The following VCAN variants were observed in gnomAD, a reference collection of about 807,000 sequenced individuals.
The protein encoded by VCAN is versican, also known as versican core protein.
In VCAN, 44 loss-of-function variants were observed where a neutral mutation model predicts 245.5. That is an observed-to-expected ratio of 0.18 (90% CI 0.14 to 0.23). The LOEUF (loss-of-function observed/expected upper bound fraction) is 0.23, where lower values mean the gene tolerates loss of function less well. Ranked by LOEUF, VCAN falls within the 10% of genes least tolerant of loss-of-function variation. The pLI, the probability that VCAN is intolerant of heterozygous loss-of-function variation, is 1.00. For synonymous variants in VCAN, 1,413 were observed against 1,437.0 expected (o/e 0.98, Z 0.38); for missense variants, 3,793 against 4,057.9 (o/e 0.93, Z 1.77).
At chr5:83,545,440 C>CTA in intron 8 of VCAN, 97 bp from the exon 9 acceptor site, 1 of 925,590 alleles carries the variant, frequency 1.1e-6, no homozygotes, top group South Asian at 1.3e-5. Context: ...ATGGTAAAGC[C>CTA]TATAATATGG....
intron 6 of VCAN, 178 bp downstream of exon 6, chr5:83,512,574 C>T (rs1745703095): frequency 1.2e-6 from 1 of 826,020 alleles, no homozygotes; most frequent in Admixed American, 3.1e-5. Context: ...TGGTTAAAAC[C>T]ACAGGAATTT....
intron 5 of VCAN, among the ~76,000 whole-genome samples, chr5:83,506,748 C>T (rs757906871): frequency 6.6e-6 from 1 of 152,016 alleles, no homozygotes; most frequent in Non-Finnish European, 1.5e-5. Flanking sequence ...AAAGGCATAC[C>T]CGAGACTGAG....
Position 83,542,080 on chromosome 5 carries a change from T to G in VCAN, c.9077T>G (p.Ile3026Arg). Reference protein sequence around the residue: ...AALIRGQDSTIAASEQQVAAR... With the variant: ...AALIRGQDSTRAASEQQVAAR... ...TTAATCAGAGGGCAGGATTCCACGA[T>G]AGCAGCATCAGAACAGCAAGTGGCA... The change falls in exon 8 of 15, where the codon ATA becomes AGA. Residue 3026 changes from isoleucine to arginine, a missense_variant. Coordinates refer to ENST00000265077, the MANE Select transcript of VCAN (RefSeq NM_004385.5). 1.2e-6 allele frequency: 2 copies of G among 1,613,708 alleles called. No homozygotes were observed. The highest frequency in any genetic ancestry group is 8.5e-7 in the Non-Finnish European group (1 of 1,179,668).
chr5:83,474,701 C>A (rs1395099002), intron 1 of VCAN, among the ~76,000 whole-genome samples: 1 of 152,170 alleles, frequency 6.6e-6, no homozygotes, highest in Non-Finnish European at 1.5e-5. Flanking sequence ...CCCACCGAGG[C>A]CAATGGGGGC....
At chr5:83,563,334 C>T (rs530315816) in intron 12 of VCAN, among the ~76,000 whole-genome samples, 3 of 152,228 alleles carry the variant, frequency 2.0e-5, no homozygotes, top group East Asian at 3.9e-4. Flanking sequence ...TTGCCCCTAA[C>T]AAACAAGACA....
rs1746946636 is a variant in VCAN, at chr5:83,540,849, A to G, written c.7846A>G (p.Ser2616Gly). The G allele has an allele frequency of 6.2e-7, 1 of 1,614,086 alleles. No individual in the cohort carries two copies. The part of the protein sequence containing the change: ...HDSNDESNDD[S>G]TQVQEIYEAA... The stretch of plus-strand genomic sequence containing the variant: ...CAGTAATGATGAAAGTAATGATGAC[A>G]GCACTCAAGTTCAAGAGATCTATGA... Residue 2616 changes from serine to glycine, a missense_variant, in exon 8 of 15, where the codon AGC becomes GGC. Ser to Gly is a moderately conservative substitution (Grantham distance 56). Around this residue, in one of 5 missense-constraint regions of VCAN, gnomAD observed 3,182 missense variants for 3,250.3 expected, o/e 0.98. Transcript: ENST00000265077.
chr5:83,534,671 C>T (rs1169869487), intron 7 of VCAN, among the ~76,000 whole-genome samples: 1 of 151,942 alleles, frequency 6.6e-6, no homozygotes, highest in African/African-American at 2.4e-5. Context: ...CCAGTTAAAT[C>T]CCATGAAGTT....
chr5:83,515,153 CT>C (rs1249732253), intron 6 of VCAN, among the ~76,000 whole-genome samples: 1 of 152,158 alleles, frequency 6.6e-6, no homozygotes, highest in Non-Finnish European at 1.5e-5. Flanking sequence ...AAAGTAATGT[CT>C]TTGTAAGATA....
Position 83,540,305 on chromosome 5 carries a change from A to G in VCAN, c.7302A>G (p.Gly2434=). 3 of 1,614,136 alleles carry G rather than the reference A, an allele frequency of 1.9e-6. No individual in the cohort carries two copies. The highest frequency in any genetic ancestry group is 2.5e-6 in the Non-Finnish European group (3 of 1,179,996). Reference sequence around the variant, plus strand: ...ATGAACCTTCTGGAGAAGGATCTGGAGAAGTGGATATTGTTGATTCATTTC... The same window carrying G: ...ATGAACCTTCTGGAGAAGGATCTGGGGAAGTGGATATTGTTGATTCATTTC... The part of the protein sequence containing the change: ...LYYEPSGEGS[G]EVDIVDSFHT... Residue 2434 remains glycine (G), a synonymous_variant, in exon 8 of 15, where the codon GGA becomes GGG. Coordinates refer to ENST00000265077, the MANE Select transcript of VCAN (RefSeq NM_004385.5).
chr5:83,547,367 G>A (rs762293211), intron 9 of VCAN, among the ~76,000 whole-genome samples: 7 of 152,188 alleles, frequency 4.6e-5, no homozygotes, highest in Non-Finnish European at 8.8e-5. Flanking sequence ...ATTCTTAGGT[G>A]ATGCTGATGT....
chr5:83,547,927 T>A lies in VCAN; in HGVS notation c.9380-44T>A, dbSNP rs1747297533. The A allele has an allele frequency of 2.9e-6, 4 of 1,373,040 alleles. No individual in the cohort carries two copies. In the East Asian group the frequency reaches 9.2e-5, roughly 31 times the overall value. The allele number at this position is 1,373,040 out of a possible 1,614,324, so 85.1% of individuals were successfully genotyped here. A position where few individuals can be genotyped will look rare whatever the true frequency, so the allele number is the denominator to read the frequency against. ...CCTCACACTAAATGGAATTCTTTGA[T>A]ACTTTTTGAAAGTATTTTGTGAGCT... On this transcript the variant is annotated intron_variant, in intron 9 of 14. Coordinates refer to ENST00000265077, the MANE Select transcript of VCAN (RefSeq NM_004385.5).
intron 5 of VCAN, among the ~76,000 whole-genome samples, chr5:83,501,574 A>G (rs1561233797): frequency 6.6e-6 from 1 of 152,060 alleles, no homozygotes; most frequent in Non-Finnish European, 1.5e-5. Context: ...TGACCTTGGC[A>G]CCCTGTTGAA....
rs2112442106 is a variant in VCAN at position 83,538,328 on chromosome 5, C to G, written c.5325C>G (p.Ser1775=). 6.2e-7 allele frequency: 1 copy of G among 1,613,996 alleles called. No individual in the cohort carries two copies. Among genetic ancestry groups the G allele is most frequent in the Non-Finnish European group, 8.5e-7 (1 of 1,179,964 alleles). Residue 1775 remains serine (S), a synonymous_variant, in exon 8 of 15, where the codon TCC becomes TCG. Coordinates refer to ENST00000265077, the MANE Select transcript of VCAN (RefSeq NM_004385.5). The part of the protein sequence containing the change: ...SDSGTRKSFM[S]LTTPTQSERE... ...CAGGTACCAGGAAAAGTTTTATGTCCTTGACAACACCAACACAGTCTGAAA... is the reference window on the plus strand; with the variant it reads ...CAGGTACCAGGAAAAGTTTTATGTCGTTGACAACACCAACACAGTCTGAAA...
Position 83,538,237 on chromosome 5 carries a change from A to G in VCAN, c.5234A>G (p.Gln1745Arg), listed in dbSNP as rs1408458998. The G allele has an allele frequency of 3.4e-5, 55 of 1,613,856 alleles. No homozygotes were observed. Among genetic ancestry groups the G allele is most frequent in the Non-Finnish European group, 4.4e-5 (52 of 1,179,972 alleles). ...ASTFEVYSSTQRSDQLILPFE... is the reference protein window; with the variant it reads ...ASTFEVYSSTRRSDQLILPFE... ...ACATTTGAGGTATATTCATCTACAC[A>G]GAGATCGGATCAATTAATTTTACCC... Residue 1745 changes from glutamine (Q) to arginine (R), a missense_variant, in exon 8 of 15, where the codon CAG becomes CGG. Coordinates refer to ENST00000265077, the MANE Select transcript of VCAN (RefSeq NM_004385.5).
Position 83,520,414 on chromosome 5 carries a change from T to C in VCAN, c.2108T>C (p.Ile703Thr), listed in dbSNP as rs916586323. The C allele has an allele frequency of 1.2e-6, 2 of 1,613,386 alleles. No individual in the cohort carries two copies. Among genetic ancestry groups the C allele is most frequent in the Non-Finnish European group, 1.7e-6 (2 of 1,179,916 alleles). ...EMRTDTYTDEIQEEITKSPFM... is the reference protein window; with the variant it reads ...EMRTDTYTDETQEEITKSPFM... ...AGAACAGATACTTATACAGATGAAA[T>C]ACAAGAAGAGATCACTAAAAGTCCA... Residue 703 changes from isoleucine to threonine, a missense_variant, in exon 7 of 15, where the codon ATA becomes ACA. By Grantham distance (89) the Ile-to-Thr change is moderately conservative. Around this residue, in one of 5 missense-constraint regions of VCAN, gnomAD observed 3,182 missense variants for 3,250.3 expected, o/e 0.98. Transcript: ENST00000265077.
rs1257491222 is a variant in VCAN at position 83,520,514 on chromosome 5, T to C, written c.2208T>C (p.Val736=). ...LSTSLSEPIH[V]TESSVEMTKS... Reference sequence around the variant, plus strand: ...CATCTCTCTCAGAGCCAATTCATGTTACAGAGTCTTCTGTGGAAATGACCA... The same window carrying C: ...CATCTCTCTCAGAGCCAATTCATGTCACAGAGTCTTCTGTGGAAATGACCA... Residue 736 remains valine (V), a synonymous_variant, in exon 7 of 15, where the codon GTT becomes GTC. Coordinates refer to ENST00000265077, the MANE Select transcript of VCAN (RefSeq NM_004385.5). 1.2e-6 allele frequency: 2 copies of C among 1,613,958 alleles called. No homozygotes were observed. Among genetic ancestry groups the C allele is most frequent in the Non-Finnish European group, 1.7e-6 (2 of 1,179,994 alleles).
At chr5:83,564,061 A>C (rs1293012854) in intron 12 of VCAN, among the ~76,000 whole-genome samples, 1 of 152,196 alleles carries the variant, frequency 6.6e-6, no homozygotes, top group Non-Finnish European at 1.5e-5. Flanking sequence ...AATGGCTTGC[A>C]ACAGAATAGA....
intron 12 of VCAN, among the ~76,000 whole-genome samples, chr5:83,560,218 T>C (rs1159698164): frequency 1.3e-5 from 2 of 152,128 alleles, no homozygotes; most frequent in Non-Finnish European, 2.9e-5. Flanking sequence ...GTTTGAGTTA[T>C]ATCAGGGCAG....
rs767297152 is a variant in VCAN, at chr5:83,540,497, C to T, written c.7494C>T (p.Ser2498=). ...CTCTTCATTCAGAGCAGAACAAAAG[C>T]TCCCCTGATCCAACTAGCACACTGT... ...MLPLHSEQNK[S]SPDPTSTLSN... The change falls in exon 8 of 15, where the codon AGC becomes AGT. Residue 2498 remains serine, a synonymous_variant. Coordinates refer to ENST00000265077, the MANE Select transcript of VCAN (RefSeq NM_004385.5). The T allele has an allele frequency of 1.9e-6, 3 of 1,613,850 alleles. No individual in the cohort carries two copies. The highest frequency in any genetic ancestry group is 1.3e-5 in the African/African-American group (1 of 74,900).
Sources: allele counts gnomAD v4.1 joint callset (sites outside exome capture counted in the v4.1 genomes callset), GRCh38; gene constraint gnomAD v4.1.1; regional missense constraint gnomAD v4.1.1; transcripts MANE v1.5; gene names NCBI Gene and HGNC (gene_info 2026-07-23, HGNC 2026-07-21).